TMEM33: variants seen among roughly 807,000 people sequenced by gnomAD.
TMEM33 encodes the protein transmembrane protein 33.
In TMEM33, 16 loss-of-function variants were observed where a neutral mutation model predicts 29.7. The observed-to-expected ratio is 0.54, with a 90% confidence interval of 0.36 to 0.82. The LOEUF is 0.82. Among genes scored for constraint, TMEM33 ranks in the 40% least tolerant of loss-of-function variants. The probability of loss-of-function intolerance (pLI) is 0.00; values close to 1 mark genes in which losing one functional copy is unlikely to be tolerated. For missense variants in TMEM33, 252 were observed against 295.3 expected, an observed-to-expected ratio of 0.85 and a Z score of 1.08; for synonymous variants, 112 against 109.4, an observed-to-expected ratio of 1.02 and a Z score of -0.15.
chr4:41,935,445 CTT>C lies in TMEM33; in HGVS notation c.-39_-38del. ...ACGTTTTCTCTCCCCTTTCTTCTCT[CTT>C]CGCGGTTGCGGCGTCGCAGACGCTA... On this transcript the variant is annotated 5_prime_UTR_variant, in exon 1 of 7. Transcript: ENST00000504986. 6.3e-7 allele frequency: 1 copy of C among 1,586,944 alleles called. No homozygotes were observed. Among genetic ancestry groups the C allele is most frequent in the Non-Finnish European group, 8.6e-7 (1 of 1,166,016 alleles).
At chr4:41,951,775 A>G (rs1210220277) in intron 6 of TMEM33, among the ~76,000 whole-genome samples, 3 of 152,342 alleles carry the variant, frequency 2.0e-5, no homozygotes, top group African/African-American at 7.2e-5. Flanking sequence ...CTTTTAAAGA[A>G]TGAGCCTGAG....
At chr4:41,940,460 C>T (rs1014185548) in intron 3 of TMEM33, among the ~76,000 whole-genome samples, 3 of 151,796 alleles carry the variant, frequency 2.0e-5, no homozygotes, top group Non-Finnish European at 2.9e-5. Context: ...TTTTATAAGT[C>T]TTAAGGAAAA....
intron 3 of TMEM33, among the ~76,000 whole-genome samples, chr4:41,940,794 C>G (rs1475900353): frequency 1.6e-5 from 2 of 123,044 alleles, no homozygotes; most frequent in African/African-American, 3.3e-5. Context: ...GGCGACAGAG[C>G]GAGACTCCTT....
At chr4:41,953,982 G>A in intron 6 of TMEM33, 88 bp from the exon 7 acceptor site, 1 of 1,523,612 alleles carries the variant, frequency 6.6e-7, no homozygotes, top group Non-Finnish European at 9.0e-7. Flanking sequence ...TGTAAAAAAT[G>A]AAATATCTAT....
Position 41,960,381 on chromosome 4 carries a change from G to A in TMEM33, c.*6182G>A, listed in dbSNP as rs1266605336. 6.6e-6 allele frequency: 1 copy of A among 152,136 alleles called. No individual in the cohort carries two copies. The allele number at this position is 152,136 out of a possible 1,614,324, so 9.4% of individuals were successfully genotyped here. On this transcript the variant is annotated 3_prime_UTR_variant, in exon 7 of 7. Coordinates refer to ENST00000504986, the MANE Select transcript of TMEM33 (RefSeq NM_018126.3). ...GGAAGTATCAAGGGCTTTCTTTGGTGATTGAGGGAAATAATGTCTCTACTT... is the reference window on the plus strand; with the variant it reads ...GGAAGTATCAAGGGCTTTCTTTGGTAATTGAGGGAAATAATGTCTCTACTT...
chr4:41,938,256 T>C (rs752559817), intron 1 of TMEM33, among the ~76,000 whole-genome samples: 1 of 152,256 alleles, frequency 6.6e-6, no homozygotes, highest in Non-Finnish European at 1.5e-5. Context: ...GAAGCCAATA[T>C]TGCAAGTGTT....
rs34296933 is a variant in TMEM33, at chr4:41,960,765, G to GA, written c.*6575dup. Reference sequence around the variant, plus strand: ...AAAAATGTGATCTAAGGTGTAACTGGAAAAAAAAAGGAAAGAAAAATTACA... The same window carrying GA: ...AAAAATGTGATCTAAGGTGTAACTGGAAAAAAAAAAGGAAAGAAAAATTACA... On this transcript the variant is annotated 3_prime_UTR_variant, in exon 7 of 7. Transcript: ENST00000504986. Among the ~76,000 whole-genome samples, 12 of 149,950 alleles carry GA rather than the reference G, an allele frequency of 8.0e-5. No homozygotes were observed. The highest frequency in any genetic ancestry group is 5.8e-4 in the East Asian group (3 of 5,130).
At chr4:41,950,677 A>G (rs1480707369) in intron 6 of TMEM33, among the ~76,000 whole-genome samples, 1 of 152,094 alleles carries the variant, frequency 6.6e-6, no homozygotes, top group Admixed American at 6.6e-5. Context: ...GCAAATTAAC[A>G]TTCATTTTTA....
chr4:41,953,016 A>T (rs376534675), intron 6 of TMEM33, among the ~76,000 whole-genome samples: 1 of 152,030 alleles, frequency 6.6e-6, no homozygotes, highest in East Asian at 1.9e-4. Flanking sequence ...TGTGAAAATG[A>T]TGTGACTCTA....
At position 41,940,288 on chromosome 4, in the gene TMEM33, C is replaced by T. The variant is rs905756111; in HGVS notation, c.328+905C>T. 3.3e-5 allele frequency among the ~76,000 whole-genome samples: 5 copies of T among 151,786 alleles called. No homozygotes were observed. The South Asian group carries it at 1.0e-3, about 32-fold the overall frequency. Reference sequence around the variant, plus strand: ...GGTTGTTTTTTTTCCTGTAGATTATCTCTGCAAATCATTTTGTGCATTGAG... The same window carrying T: ...GGTTGTTTTTTTTCCTGTAGATTATTTCTGCAAATCATTTTGTGCATTGAG... On this transcript the variant is annotated intron_variant, in intron 3 of 6. Transcript: ENST00000504986.
chr4:41,954,047 A>G (rs1039242076), intron 6 of TMEM33, 23 bp from the exon 7 acceptor site: 4 of 1,610,366 alleles, frequency 2.5e-6, no homozygotes, highest in African/African-American at 2.7e-5. Flanking sequence ...GTGTTTCTCA[A>G]AGAAAACTAT....
rs968416837 is a variant in TMEM33, at chr4:41,957,698, G to A, written c.*3499G>A. The A allele has an allele frequency of 6.6e-6, 1 of 151,804 alleles. No individual in the cohort carries two copies. The highest frequency in any genetic ancestry group is 1.5e-5 in the Non-Finnish European group (1 of 67,986). The allele number at this position is 151,804 out of a possible 1,614,324, so 9.4% of individuals were successfully genotyped here. A position where few individuals can be genotyped will look rare whatever the true frequency, so the allele number is the denominator to read the frequency against. ...TAAGGAGTTTATTTTGATTAACATA[G>A]GTTATTCTGACCACCACCTCTTCCT... On this transcript the variant is annotated 3_prime_UTR_variant, in exon 7 of 7. Coordinates refer to ENST00000504986, the MANE Select transcript of TMEM33 (RefSeq NM_018126.3).
chr4:41,935,171 C>A, upstream of TMEM33: 5 of 483,378 alleles, frequency 1.0e-5, 1 homozygote, highest in South Asian at 1.1e-4. Context: ...GAGCCGGCGG[C>A]GTAGGTTGGC....
intron 5 of TMEM33, 36 bp from the exon 6 acceptor site, chr4:41,949,266 A>G (rs1577653901): frequency 4.8e-6 from 7 of 1,444,232 alleles, no homozygotes; most frequent in Non-Finnish European, 6.7e-6. Flanking sequence ...ATGAATTGAA[A>G]TGTATATTTA....
chr4:41,938,197 G>T (rs923175619), intron 1 of TMEM33, among the ~76,000 whole-genome samples: 3 of 152,172 alleles, frequency 2.0e-5, no homozygotes, highest in Non-Finnish European at 4.4e-5. Context: ...TAGGCATATG[G>T]ATCTCTTGAG....
Position 41,954,205 on chromosome 4 carries a change from C to T in TMEM33, c.*6C>T. The T allele has an allele frequency of 1.2e-6, 2 of 1,613,290 alleles. No homozygotes were observed. The highest frequency in any genetic ancestry group is 1.1e-5 in the South Asian group (1 of 90,982). On this transcript the variant is annotated 3_prime_UTR_variant, in exon 7 of 7. Transcript: ENST00000504986. ...TGGCACCAACAGTTCCATAGTTTAA[C>T]ATCTAGTTAAGCTACAAATATAGTA...
In TMEM33 at chr4:41,951,011, T is replaced by A. The variant is rs78753243; in HGVS notation, c.614+1626T>A. ...CAGTGGAAAGGTAATGGAAAATATT[T>A]CAGCTTGTAAATATTGATAAACAGG... On this transcript the variant is annotated intron_variant, in intron 6 of 6. Coordinates refer to ENST00000504986, the MANE Select transcript of TMEM33 (RefSeq NM_018126.3). Among the ~76,000 whole-genome samples the A allele has an allele frequency of 8.2e-4, 125 of 152,324 alleles. No homozygotes were observed. In the East Asian group the frequency reaches 0.023, roughly 28 times the overall value.
chr4:41,958,842 G>C lies in TMEM33; in HGVS notation c.*4643G>C, dbSNP rs913382021. 2 of 151,436 alleles carry C rather than the reference G, an allele frequency of 1.3e-5. No individual in the cohort carries two copies. Among genetic ancestry groups the C allele is most frequent in the African/African-American group, 4.9e-5 (2 of 40,994 alleles). 9.4% of individuals were successfully genotyped at this position (151,436 alleles called of 1,614,324 possible). A position where few individuals can be genotyped will look rare whatever the true frequency, so the allele number is the denominator to read the frequency against. On this transcript the variant is annotated 3_prime_UTR_variant, in exon 7 of 7. Coordinates refer to ENST00000504986, the MANE Select transcript of TMEM33 (RefSeq NM_018126.3). ...TCATGCCTCAGCCTCCCTAGTAGCTGAGACTACAGGCGTGCACCACCACGC... is the reference window on the plus strand; with the variant it reads ...TCATGCCTCAGCCTCCCTAGTAGCTCAGACTACAGGCGTGCACCACCACGC...
At chr4:41,943,309 G>T (rs557730479) in intron 3 of TMEM33, among the ~76,000 whole-genome samples, 2 of 152,328 alleles carry the variant, frequency 1.3e-5, no homozygotes, top group Non-Finnish European at 2.9e-5. Context: ...CATATCACCT[G>T]TGGTAAGGAG....
Sources: allele counts gnomAD v4.1 joint callset (sites outside exome capture counted in the v4.1 genomes callset), GRCh38; gene constraint gnomAD v4.1.1; transcripts MANE v1.5; gene names NCBI Gene and HGNC (gene_info 2026-07-23, HGNC 2026-07-21).